The following AHR variants were observed in gnomAD, a reference collection of about 807,000 sequenced individuals.
The protein encoded by AHR is AH-receptor.
Under a neutral mutation model 86.8 loss-of-function variants are expected in AHR, and 40 were observed. That is an observed-to-expected ratio of 0.46 (90% confidence interval 0.36 to 0.60). The LOEUF (loss-of-function observed/expected upper bound fraction) is 0.60, where lower values mean the gene tolerates loss of function less well. AHR is among the 20% of genes least tolerant of loss of function. The probability of loss-of-function intolerance (pLI) is 0.00; values close to 1 mark genes in which losing one functional copy is unlikely to be tolerated. For synonymous variants in AHR, 398 were observed against 354.9 expected (o/e 1.12, Z -1.37); for missense variants, 1,001 against 1,011.6 (o/e 0.99, Z 0.14).
At chr7:17,312,636 G>A (rs921322596) in intron 2 of AHR, among the ~76,000 whole-genome samples, 8 of 152,062 alleles carry the variant, frequency 5.3e-5, no homozygotes, top group African/African-American at 1.7e-4. Context: ...GGTTCATCAC[G>A]GAATTGTTAA....
rs765293465 is a variant in AHR, at chr7:17,339,012, GA to G, written c.1191del (p.Lys397AsnfsTer27). 6.2e-7 allele frequency: 1 copy of G among 1,613,660 alleles called. No individual in the cohort carries two copies. Among genetic ancestry groups the G allele is most frequent in the South Asian group, 1.1e-5 (1 of 91,026 alleles). On this transcript the variant is annotated frameshift_variant, in exon 10 of 11. Coordinates refer to ENST00000242057, the MANE Select transcript of AHR (RefSeq NM_001621.5). ...LTDEEGTEHL[R>X]KRNTKLPFMF... ...GATGAGGAAGGAACAGAGCATTTACGAAAACGAAATACGAAGTTGCCTTTTA... is the reference window on the plus strand; with the variant it reads ...GATGAGGAAGGAACAGAGCATTTACGAAACGAAATACGAAGTTGCCTTTTA...
chr7:17,340,394 G>A (rs1052862495), intron 10 of AHR, among the ~76,000 whole-genome samples, 166 bp downstream of exon 10: 31 of 148,578 alleles, frequency 2.1e-4, no homozygotes, highest in African/African-American at 6.9e-4. Flanking sequence ...TTACAAGCCT[G>A]TACTTTTTCC....
chr7:17,329,217 T>C (rs979445811), intron 4 of AHR, among the ~76,000 whole-genome samples: 4 of 151,978 alleles, frequency 2.6e-5, no homozygotes, highest in Non-Finnish European at 5.9e-5. Context: ...ACTATCAAAC[T>C]GTTTTTTAGT....
In AHR at chr7:17,313,343, T is replaced by C. The variant is rs561521717; in HGVS notation, c.253+3220T>C. Among the ~76,000 whole-genome samples the C allele has an allele frequency of 3.9e-5, 6 of 152,254 alleles. No homozygotes were observed. The East Asian group carries it at 9.7e-4, about 25-fold the overall frequency. On this transcript the variant is annotated intron_variant, in intron 2 of 10. Transcript: ENST00000242057. ...CTCTTCCACTATTAGGGAAACAGTA[T>C]AGCGAAGCGAAGGGAAGCTCAAAGT...
rs1782192771 is a variant in AHR, at chr7:17,323,214, A to G, written c.360+607A>G. On this transcript the variant is annotated intron_variant, in intron 3 of 10. Transcript: ENST00000242057. ...AGTATTTTAGAGGTTCTAATTTAAG[A>G]TGTTGAATTTATATATATTTTTATG... 2.0e-5 allele frequency among the ~76,000 whole-genome samples: 3 copies of G among 152,144 alleles called. No individual in the cohort carries two copies. In the South Asian group the frequency reaches 6.2e-4, roughly 31 times the overall value.
rs1782386843 is a variant in AHR at position 17,339,059 on chromosome 7, G to T, written c.1234G>T (p.Val412Leu). Residue 412 changes from valine (V) to leucine (L), a missense_variant, in exon 10 of 11, where the codon GTG (valine) becomes TTG (leucine). Around this residue, in one of 2 missense-constraint regions of AHR, gnomAD observed 607 missense variants for 543.1 expected, o/e 1.12. Coordinates refer to ENST00000242057, the MANE Select transcript of AHR (RefSeq NM_001621.5). Reference sequence around the variant, plus strand: ...TTTTATGTTTACCACTGGAGAAGCTGTGTTGTATGAGGCAACCAACCCTTT... The same window carrying T: ...TTTTATGTTTACCACTGGAGAAGCTTTGTTGTATGAGGCAACCAACCCTTT... ...LPFMFTTGEA[V>L]LYEATNPFPA... 1 of 1,614,042 alleles carries T rather than the reference G, an allele frequency of 6.2e-7. No homozygotes were observed.
intron 2 of AHR, 39 bp downstream of exon 2, chr7:17,310,162 A>G: frequency 6.4e-7 from 1 of 1,551,202 alleles, no homozygotes; most frequent in African/African-American, 1.4e-5. Context: ...AATAACGTAT[A>G]AAAAATACTT....
chr7:17,326,010 G>A (rs1782226703), intron 3 of AHR, among the ~76,000 whole-genome samples: 1 of 152,064 alleles, frequency 6.6e-6, no homozygotes, highest in Non-Finnish European at 1.5e-5. Flanking sequence ...ACACATAAAG[G>A]CAGCATATCA....
At chr7:17,323,069 A>G (rs975294431) in intron 3 of AHR, among the ~76,000 whole-genome samples, 7 of 152,082 alleles carry the variant, frequency 4.6e-5, no homozygotes, top group Admixed American at 1.3e-4. Flanking sequence ...ACCTAACCAC[A>G]TATTTCTTTG....
Position 17,345,246 on chromosome 7 carries a change from C to T in AHR, c.*2182C>T, listed in dbSNP as rs994057173. The T allele has an allele frequency of 2.0e-5, 3 of 150,948 alleles. No homozygotes were observed. Among genetic ancestry groups the T allele is most frequent in the African/African-American group, 4.9e-5 (2 of 41,016 alleles). 9.4% of individuals were successfully genotyped at this position (150,948 alleles called of 1,614,324 possible). A position where few individuals can be genotyped will look rare whatever the true frequency, so the allele number is the denominator to read the frequency against. ...AGGAGAATAGCCTGAACCTGGGAATCGGAGGTTGCAGAGCCAAGATCGCCC... is the reference window on the plus strand; with the variant it reads ...AGGAGAATAGCCTGAACCTGGGAATTGGAGGTTGCAGAGCCAAGATCGCCC... On this transcript the variant is annotated 3_prime_UTR_variant, in exon 11 of 11. Coordinates refer to ENST00000242057, the MANE Select transcript of AHR (RefSeq NM_001621.5).
intron 9 of AHR, among the ~76,000 whole-genome samples, chr7:17,337,477 T>G (rs973569098): frequency 1.2e-4 from 17 of 138,262 alleles, no homozygotes; most frequent in Admixed American, 2.2e-4. Flanking sequence ...CATCTTTCTG[T>G]TTTTTTTTTT....
intron 2 of AHR, among the ~76,000 whole-genome samples, chr7:17,321,614 C>T (rs1261181269): frequency 1.3e-5 from 2 of 151,522 alleles, no homozygotes; most frequent in Non-Finnish European, 2.9e-5. Context: ...CACACACACA[C>T]ACACAGTGAG....
At chr7:17,334,237 C>A in intron 7 of AHR, 123 bp downstream of exon 7, 1 of 845,354 alleles carries the variant, frequency 1.2e-6, no homozygotes, top group Non-Finnish European at 1.8e-6. Flanking sequence ...TATTATCGTA[C>A]ATTCTTCCAG....
Position 17,339,940 on chromosome 7 carries a change from G to T in AHR, c.2115G>T (p.Gln705His), listed in dbSNP as rs774896786. Reference sequence around the variant, plus strand: ...CACAGAACTTTATTTCCTGTAATCAGCCTGTATTACCACAACATTCCAAAT... The same window carrying T: ...CACAGAACTTTATTTCCTGTAATCATCCTGTATTACCACAACATTCCAAAT... ...PYTQNFISCN[Q>H]PVLPQHSKCT... is the part of the protein sequence containing the mutation. Residue 705 changes from glutamine to histidine, a missense_variant, in exon 10 of 11, where the codon CAG (glutamine) becomes CAT (histidine). By Grantham distance (24) the Gln-to-His change is conservative. Around this residue, in one of 2 missense-constraint regions of AHR, gnomAD observed 607 missense variants for 543.1 expected, o/e 1.12. Coordinates refer to ENST00000242057, the MANE Select transcript of AHR (RefSeq NM_001621.5). The T allele has an allele frequency of 1.2e-6, 2 of 1,614,060 alleles. No individual in the cohort carries two copies. The highest frequency in any genetic ancestry group is 2.2e-5 in the South Asian group (2 of 91,088).
At chr7:17,320,954 G>A (rs942582219) in intron 2 of AHR, among the ~76,000 whole-genome samples, 2 of 152,116 alleles carry the variant, frequency 1.3e-5, no homozygotes, top group African/African-American at 2.4e-5. Context: ...CACATTCACT[G>A]ATGATTTACC....
chr7:17,315,748 T>C (rs1399337386), intron 2 of AHR, among the ~76,000 whole-genome samples: 1 of 151,738 alleles, frequency 6.6e-6, no homozygotes, highest in Non-Finnish European at 1.5e-5. Context: ...ATAAAACATA[T>C]TCATATATAA....
chr7:17,307,616 G>C (rs1782018793), intron 1 of AHR, among the ~76,000 whole-genome samples: 1 of 152,156 alleles, frequency 6.6e-6, no homozygotes. Flanking sequence ...GATCATGAAG[G>C]ATTTTGTGTG....
At chr7:17,314,508 G>A (rs969578943) in intron 2 of AHR, among the ~76,000 whole-genome samples, 1 of 151,854 alleles carries the variant, frequency 6.6e-6, no homozygotes, top group Non-Finnish European at 1.5e-5. Flanking sequence ...TCTTCCTTTT[G>A]CAGATGCTTT....
chr7:17,312,241 C>G (rs148397902), intron 2 of AHR, among the ~76,000 whole-genome samples: 128 of 152,290 alleles, frequency 8.4e-4, no homozygotes, highest in African/African-American at 2.9e-3. Flanking sequence ...CTTAGAGATT[C>G]TGGAGTCTAG....
Sources: allele counts gnomAD v4.1 joint callset (sites outside exome capture counted in the v4.1 genomes callset), GRCh38; gene constraint gnomAD v4.1.1; regional missense constraint gnomAD v4.1.1; transcripts MANE v1.5; gene names NCBI Gene and HGNC (gene_info 2026-07-23, HGNC 2026-07-21).